The following SHROOM3 variants were observed in gnomAD, a reference collection of about 807,000 sequenced individuals.
The protein encoded by SHROOM3 is protein Shroom3.
A neutral mutation model predicts 138.6 loss-of-function variants in SHROOM3; 47 were observed. The ratio of observed to expected loss-of-function variants is 0.34; its 90% CI spans 0.27 to 0.43. SHROOM3 has a LOEUF of 0.43. SHROOM3 is among the 20% of genes least tolerant of loss of function. SHROOM3 has a pLI of 1.00. For missense variants in SHROOM3, 2,491 were observed against 2,596.5 expected (o/e 0.96, Z 0.88); for synonymous variants, 1,062 against 1,063.3 (o/e 1.00, Z 0.02).
intron 2 of SHROOM3, among the ~76,000 whole-genome samples, chr4:76,589,181 C>T (rs1734211111): frequency 6.6e-6 from 1 of 152,222 alleles, no homozygotes; most frequent in Non-Finnish European, 1.5e-5. Context: ...GATCAAGAGA[C>T]TCCTAGCTGG....
chr4:76,536,535 T>C (rs566062472), intron 1 of SHROOM3, among the ~76,000 whole-genome samples: 1 of 152,328 alleles, frequency 6.6e-6, no homozygotes, highest in East Asian at 1.9e-4. Flanking sequence ...GACTTTTTAA[T>C]CAGACAGCTG....
chr4:76,667,959 T>C (rs1313060419), intron 2 of SHROOM3, among the ~76,000 whole-genome samples: 3 of 47,270 alleles, frequency 6.3e-5, no homozygotes, highest in Admixed American at 3.1e-4. Context: ...AGAAGGAGAC[T>C]CCCTCTCAAA....
chr4:76,446,991 G>A (rs1042320950), intron 1 of SHROOM3, among the ~76,000 whole-genome samples: 2 of 152,070 alleles, frequency 1.3e-5, no homozygotes, highest in African/African-American at 2.4e-5. Context: ...AGGCCTACTC[G>A]CCGGCTTTCC....
chr4:76,756,803 A>T lies in SHROOM3; in HGVS notation c.5064A>T (p.Pro1688=). ...QDKSLADILD[P]DSRLKTTMDL... is the part of the protein sequence containing the mutation. ...AATCTCTAGCAGACATTTTGGATCC[A>T]GACTCCAGGCTGAAGACAACAATGG... is the stretch of plus-strand genomic sequence containing the variant. Residue 1688 remains proline (P), a synonymous_variant, in exon 8 of 11, where the codon CCA becomes CCT. Coordinates refer to ENST00000296043, the MANE Select transcript of SHROOM3 (RefSeq NM_020859.4). The T allele has an allele frequency of 6.2e-7, 1 of 1,614,226 alleles. No individual in the cohort carries two copies. Among genetic ancestry groups the T allele is most frequent in the East Asian group, 2.2e-5 (1 of 44,876 alleles).
At chr4:76,561,807 C>T (rs541079428) in intron 2 of SHROOM3, among the ~76,000 whole-genome samples, 10 of 151,646 alleles carry the variant, frequency 6.6e-5, no homozygotes, top group South Asian at 2.1e-4. Context: ...GTCAGGAGTT[C>T]GAGACCAGCC....
At chr4:76,700,406 T>C (rs1466136636) in intron 2 of SHROOM3, among the ~76,000 whole-genome samples, 1 of 152,176 alleles carries the variant, frequency 6.6e-6, no homozygotes, top group Non-Finnish European at 1.5e-5. Flanking sequence ...GGACTGATGC[T>C]TGGATACCTG....
chr4:76,772,021 T>C (rs2109793133), intron 10 of SHROOM3, among the ~76,000 whole-genome samples: 1 of 152,168 alleles, frequency 6.6e-6, no homozygotes, highest in Non-Finnish European at 1.5e-5. Context: ...TGTATGTGTA[T>C]ATACATGCTA....
At chr4:76,453,053 G>C (rs1178862290) in intron 1 of SHROOM3, among the ~76,000 whole-genome samples, 1 of 152,128 alleles carries the variant, frequency 6.6e-6, no homozygotes, top group Admixed American at 6.5e-5. Flanking sequence ...TGTGTGTACA[G>C]ATATTTTGGT....
chr4:76,779,257 C>A lies in SHROOM3; in HGVS notation c.*80C>A. On this transcript the variant is annotated 3_prime_UTR_variant, in exon 11 of 11. Coordinates refer to ENST00000296043, the MANE Select transcript of SHROOM3 (RefSeq NM_020859.4). ...CTGAAAAATGTTTCAGTACAAACCACTGTTTGAACTATCTGGGTTATTGGT... is the reference window on the plus strand; with the variant it reads ...CTGAAAAATGTTTCAGTACAAACCAATGTTTGAACTATCTGGGTTATTGGT... 6.7e-7 allele frequency: 1 copy of A among 1,488,504 alleles called. No homozygotes were observed. The highest frequency in any genetic ancestry group is 1.3e-5 in the South Asian group (1 of 74,644). 92.2% of individuals were successfully genotyped at this position (1,488,504 alleles called of 1,614,324 possible).
At chr4:76,769,114 G>A (rs1722260519) in intron 9 of SHROOM3, among the ~76,000 whole-genome samples, 1 of 150,770 alleles carries the variant, frequency 6.6e-6, no homozygotes, top group Non-Finnish European at 1.5e-5. Context: ...CTTTTTTTGT[G>A]TGTGTGTTTT....
Position 76,509,077 on chromosome 4 carries a change from A to C in SHROOM3, c.169-46532A>C, listed in dbSNP as rs1017668441. Among the ~76,000 whole-genome samples, 19 of 152,324 alleles carry C rather than the reference A, an allele frequency of 1.2e-4. No individual in the cohort carries two copies. In the East Asian group the frequency reaches 3.7e-3, roughly 29 times the overall value. ...CACACCTCTTAATACTATCATACTGACTATTAGATCCTAACATGAATTTTG... is the reference window on the plus strand; with the variant it reads ...CACACCTCTTAATACTATCATACTGCCTATTAGATCCTAACATGAATTTTG... On this transcript the variant is annotated intron_variant, in intron 1 of 10. Coordinates refer to ENST00000296043, the MANE Select transcript of SHROOM3 (RefSeq NM_020859.4).
At chr4:76,587,072 C>G (rs1734170973) in intron 2 of SHROOM3, 1 of 152,158 alleles carries the variant, frequency 6.6e-6, no homozygotes, top group South Asian at 2.1e-4. Flanking sequence ...ATGCAAGCAC[C>G]TACATTTAAG....
intron 2 of SHROOM3, among the ~76,000 whole-genome samples, chr4:76,576,152 T>C (rs1733932803): frequency 6.6e-6 from 1 of 152,170 alleles, no homozygotes; most frequent in Non-Finnish European, 1.5e-5. Context: ...ATGGGGTATA[T>C]ACCCCAAAGA....
intron 5 of SHROOM3, among the ~76,000 whole-genome samples, chr4:76,743,659 C>G (rs1162824173): frequency 6.6e-6 from 1 of 152,224 alleles, no homozygotes; most frequent in African/African-American, 2.4e-5. Flanking sequence ...ACATCAGACT[C>G]TTGCCTGTTT....
intron 2 of SHROOM3, among the ~76,000 whole-genome samples, chr4:76,594,205 C>T (rs771201912): frequency 6.6e-6 from 1 of 152,196 alleles, no homozygotes; most frequent in African/African-American, 2.4e-5. Flanking sequence ...TTGGATTTCT[C>T]ATCCACAAAA....
At chr4:76,569,344 G>C (rs894509695) in intron 2 of SHROOM3, among the ~76,000 whole-genome samples, 1 of 152,170 alleles carries the variant, frequency 6.6e-6, no homozygotes, top group Non-Finnish European at 1.5e-5. Context: ...CACTGGCAAG[G>C]CTCCTCTCCT....
At chr4:76,514,961 T>G (rs1044261320) in intron 1 of SHROOM3, among the ~76,000 whole-genome samples, 3 of 152,144 alleles carry the variant, frequency 2.0e-5, no homozygotes, top group Admixed American at 6.6e-5. Context: ...ACACCTGTAA[T>G]TCCAACACTT....
chr4:76,633,332 CAAAAAAAAAAAA>C (rs56002974), intron 2 of SHROOM3, among the ~76,000 whole-genome samples: 1 of 83,862 alleles, frequency 1.2e-5, no homozygotes, highest in Admixed American at 1.4e-4. Context: ...GACTCAGTCT[CAAAAAAAAAAAA>C]AAAAAAAAAG....
intron 3 of SHROOM3, among the ~76,000 whole-genome samples, chr4:76,724,467 G>A (rs1720642243): frequency 2.0e-5 from 3 of 151,976 alleles, no homozygotes; most frequent in South Asian, 4.2e-4. Context: ...AAGCTACAGT[G>A]AATTGTATTT....
Sources: allele counts gnomAD v4.1 joint callset (sites outside exome capture counted in the v4.1 genomes callset), GRCh38; gene constraint gnomAD v4.1.1; transcripts MANE v1.5; gene names NCBI Gene and HGNC (gene_info 2026-07-23, HGNC 2026-07-21).